CPEB2: variants seen among roughly 807,000 people sequenced by gnomAD.
The protein encoded by CPEB2 is cytoplasmic polyadenylation element binding protein 2.
In CPEB2, 56 loss-of-function variants were observed where a neutral mutation model predicts 93.6. The ratio of observed to expected loss-of-function variants is 0.60; its 90% CI spans 0.48 to 0.75. CPEB2 has a LOEUF of 0.75. Ranked by LOEUF, CPEB2 falls within the 30% of genes least tolerant of loss-of-function variation. The pLI, the probability that CPEB2 is intolerant of heterozygous loss-of-function variation, is 0.00. For missense variants in CPEB2, 1,579 were observed against 1,395.1 expected (o/e 1.13, Z -2.10); for synonymous variants, 764 against 586.3 (o/e 1.30, Z -4.38).
At position 15,058,494 on chromosome 4, in the gene CPEB2, A is replaced by T; in HGVS notation, c.2535A>T (p.Gly845=). The T allele has an allele frequency of 6.2e-7, 1 of 1,612,698 alleles. No homozygotes were observed. The highest frequency in any genetic ancestry group is 8.5e-7 in the Non-Finnish European group (1 of 1,178,836). ...TTGATGCTTGTATTGAAGAAGATGGAAAACTCTATCTGTGTGTTTCTAGCC... is the reference window on the plus strand; with the variant it reads ...TTGATGCTTGTATTGAAGAAGATGGTAAACTCTATCTGTGTGTTTCTAGCC... The part of the protein sequence containing the change: ...ALIDACIEED[G]KLYLCVSSPT... Residue 845 remains glycine, a synonymous_variant, in exon 9 of 12, where the codon GGA becomes GGT. Transcript: ENST00000538197.
chr4:15,002,981 A>G lies in CPEB2; in HGVS notation c.308A>G (p.Gln103Arg), dbSNP rs983532354. 10 of 1,504,440 alleles carry G rather than the reference A, an allele frequency of 6.6e-6. No individual in the cohort carries two copies. The African/African-American group carries it at 1.1e-4, about 17-fold the overall frequency. The allele number at this position is 1,504,440 out of a possible 1,614,324, so 93.2% of individuals were successfully genotyped here. A position where few individuals can be genotyped will look rare whatever the true frequency, so the allele number is the denominator to read the frequency against. ...MQDELLLGLT[Q>R]QPARPLSGAA... ...GATGAGCTGCTTCTGGGGCTGACAC[A>G]GCAGCCGGCGCGGCCGCTTTCGGGG... The change falls in exon 1 of 12, where the codon CAG (glutamine) becomes CGG (arginine). Residue 103 changes from glutamine (Q) to arginine (R), a missense_variant. Transcript: ENST00000538197.
chr4:15,040,671 A>G (rs1312207969), intron 6 of CPEB2, among the ~76,000 whole-genome samples, 184 bp downstream of exon 6: 2 of 152,176 alleles, frequency 1.3e-5, no homozygotes, highest in Non-Finnish European at 2.9e-5. Flanking sequence ...TTTTTATACT[A>G]ATTGTGGTTA....
At chr4:15,057,820 ACTGTAGCTTTCTTAGTAT>A (rs1728853203) in intron 8 of CPEB2, among the ~76,000 whole-genome samples, 1 of 152,084 alleles carries the variant, frequency 6.6e-6, no homozygotes, top group South Asian at 2.1e-4. Flanking sequence ...CAGCCTTCCT[ACTGTAGCTTTCTTAGTAT>A]CATTGGGAAG....
chr4:15,033,637 G>A (rs1356419981), intron 5 of CPEB2, among the ~76,000 whole-genome samples: 3 of 152,196 alleles, frequency 2.0e-5, no homozygotes, highest in African/African-American at 7.2e-5. Flanking sequence ...GAATATACTG[G>A]TAACTCTATA....
intron 6 of CPEB2, among the ~76,000 whole-genome samples, chr4:15,050,867 C>T (rs187438094): frequency 6.6e-6 from 1 of 152,252 alleles, no homozygotes; most frequent in South Asian, 2.1e-4. Context: ...AAACTATAAC[C>T]CATGGAGTTG....
At chr4:15,054,790 C>T (rs1728564068) in intron 8 of CPEB2, among the ~76,000 whole-genome samples, 1 of 151,664 alleles carries the variant, frequency 6.6e-6, no homozygotes, top group African/African-American at 2.4e-5. Flanking sequence ...TATATCCTGC[C>T]CCCAATAACA....
At chr4:15,042,269 G>T (rs1429960442) in intron 6 of CPEB2, among the ~76,000 whole-genome samples, 1 of 152,086 alleles carries the variant, frequency 6.6e-6, no homozygotes, top group Non-Finnish European at 1.5e-5. Context: ...TAGGAACAAG[G>T]TATTAGGAAG....
intron 8 of CPEB2, among the ~76,000 whole-genome samples, chr4:15,055,693 T>A (rs1365490607): frequency 6.6e-6 from 1 of 152,178 alleles, no homozygotes; most frequent in African/African-American, 2.4e-5. Context: ...GTTTCTCTTA[T>A]TTTTAGGATA....
chr4:15,010,190 A>G (rs1021370277), intron 3 of CPEB2, among the ~76,000 whole-genome samples: 2 of 152,170 alleles, frequency 1.3e-5, no homozygotes, highest in African/African-American at 4.8e-5. Context: ...ATTGAATGAC[A>G]TAGTTTATAG....
intron 2 of CPEB2, 117 bp downstream of exon 2, chr4:15,007,703 T>C: frequency 1.7e-6 from 1 of 580,998 alleles, no homozygotes; most frequent in Non-Finnish European, 2.7e-6. Flanking sequence ...GTTTTAATTT[T>C]TAAGCATGTA....
intron 4 of CPEB2, 97 bp downstream of exon 4, chr4:15,017,375 A>G (rs1724291767): frequency 5.4e-6 from 3 of 557,964 alleles, no homozygotes; most frequent in Non-Finnish European, 9.3e-6. Context: ...TAGCACCTAT[A>G]TCCAATATAA....
intron 1 of CPEB2, chr4:15,004,867 G>A (rs1293972157): frequency 2.6e-5 from 4 of 152,452 alleles, no homozygotes; most frequent in African/African-American, 9.7e-5. Flanking sequence ...TGCTGGAGAA[G>A]GTGCGTGCGG....
chr4:15,035,949 T>C (rs1726561432), intron 5 of CPEB2, among the ~76,000 whole-genome samples: 1 of 152,216 alleles, frequency 6.6e-6, no homozygotes, highest in African/African-American at 2.4e-5. Context: ...TTACAATTGT[T>C]GGGCCGATAT....
At chr4:15,050,845 A>G (rs546585910) in intron 6 of CPEB2, among the ~76,000 whole-genome samples, 5 of 152,272 alleles carry the variant, frequency 3.3e-5, no homozygotes, top group African/African-American at 1.2e-4. Flanking sequence ...CATTGATGTT[A>G]TAAAGGACCT....
chr4:15,015,834 T>C (rs532298995), intron 3 of CPEB2, among the ~76,000 whole-genome samples: 27 of 152,172 alleles, frequency 1.8e-4, no homozygotes, highest in Middle Eastern at 6.8e-3. Context: ...TAAGGTTTAA[T>C]TCATAAATTA....
At chr4:15,042,870 C>CT (rs1159560992) in intron 6 of CPEB2, among the ~76,000 whole-genome samples, 31 of 152,280 alleles carry the variant, frequency 2.0e-4, no homozygotes, top group African/African-American at 6.7e-4. Context: ...CAAACACCCC[C>CT]TTTTATATAG....
intron 7 of CPEB2, 80 bp downstream of exon 7, chr4:15,052,664 C>G: frequency 1.1e-6 from 1 of 930,044 alleles, no homozygotes; most frequent in African/African-American, 1.7e-5. Flanking sequence ...TGTGAATGGA[C>G]TATGAAAGTT....
In CPEB2 at chr4:15,035,498, G is replaced by A. The variant is rs567151713; in HGVS notation, c.2176+2287G>A. ...GCTAAGTAGTGGGTGATGGTGAACA[G>A]TGACAAAAATTTATTTGAAAGAGTA... is the stretch of plus-strand genomic sequence containing the variant. On this transcript the variant is annotated intron_variant, in intron 5 of 11. Coordinates refer to ENST00000538197, the MANE Select transcript of CPEB2 (RefSeq NM_001177382.2). Among the ~76,000 whole-genome samples, 6 of 152,264 alleles carry A rather than the reference G, an allele frequency of 3.9e-5. 1 individual carries two copies. Among genetic ancestry groups the A allele is most frequent in the African/African-American group, 1.4e-4 (6 of 41,562 alleles).
intron 5 of CPEB2, among the ~76,000 whole-genome samples, chr4:15,034,711 C>G (rs936626101): frequency 6.6e-6 from 1 of 152,054 alleles, no homozygotes; most frequent in Non-Finnish European, 1.5e-5. Flanking sequence ...TTTTTCGGAT[C>G]ATTGGTTGAG....
Sources: allele counts gnomAD v4.1 joint callset (sites outside exome capture counted in the v4.1 genomes callset), GRCh38; gene constraint gnomAD v4.1.1; transcripts MANE v1.5; gene names NCBI Gene and HGNC (gene_info 2026-07-23, HGNC 2026-07-21).